PLEC: variants seen among roughly 807,000 people sequenced by gnomAD.
The protein encoded by PLEC is hemidesmosomal protein 1.
Under a neutral mutation model 392.8 loss-of-function variants are expected in PLEC, and 216 were observed. That is an observed-to-expected ratio of 0.55 (90% CI 0.49 to 0.62). The LOEUF is 0.62. Ranked by LOEUF, PLEC falls within the 20% of genes least tolerant of loss-of-function variation. The pLI is 0.00. For synonymous variants in PLEC, 3,621 were observed against 2,980.6 expected (o/e 1.21, Z -7.00); for missense variants, 6,863 against 6,563.4 (o/e 1.05, Z -1.58).
chr8:143,949,569 ACAC>A (rs1554734295), intron 1 of PLEC, among the ~76,000 whole-genome samples: 1 of 152,086 alleles, frequency 6.6e-6, no homozygotes, highest in Non-Finnish European at 1.5e-5. Flanking sequence ...GGGCCAGCAG[ACAC>A]CACACCACAG....
At position 143,932,796 on chromosome 8, in the gene PLEC, G is replaced by A. The variant is rs782141897; in HGVS notation, c.1734C>T (p.Asp578=). ...FRAKIERARS[D]EGQLSPATRG... is the part of the protein sequence containing the mutation. ...CCCATCGCTCAGCGCCACCCACCTC[G>A]TCACTCCGTGCCCGCTCGATCTTGG... Residue 578 remains aspartate, a synonymous_variant, in exon 14 of 32, where the codon GAC becomes GAT. Coordinates refer to ENST00000345136, the MANE Select transcript of PLEC (RefSeq NM_201384.3). 52 of 1,612,184 alleles carry A rather than the reference G, an allele frequency of 3.2e-5. No individual in the cohort carries two copies. Among genetic ancestry groups the A allele is most frequent in the African/African-American group, 5.3e-5 (4 of 75,016 alleles).
At position 143,919,347 on chromosome 8, in the gene PLEC, C is replaced by A. The variant is rs544332992; in HGVS notation, c.10474G>T (p.Gly3492Cys). Reference sequence around the variant, plus strand: ...CGGTTCATCTCCTCACTGAAGTAGCCGCGCTGGTAGGCCACGTCCACAGGC... The same window carrying A: ...CGGTTCATCTCCTCACTGAAGTAGCAGCGCTGGTAGGCCACGTCCACAGGC... ...RVPVDVAYQR[G>C]YFSEEMNRVL... Residue 3492 changes from glycine to cysteine, a missense_variant, in exon 32 of 32, where the codon GGC becomes TGC. Gly to Cys is a radical substitution (Grantham distance 159, BLOSUM62 -3). Transcript: ENST00000345136. The A allele has an allele frequency of 3.7e-6, 6 of 1,613,904 alleles. No individual in the cohort carries two copies. The highest frequency in any genetic ancestry group is 3.4e-6 in the Non-Finnish European group (4 of 1,180,024).
rs201417343 is a variant in PLEC at position 143,922,808 on chromosome 8, C to T, written c.7121G>A (p.Arg2374Gln). 1,568 of 1,585,994 alleles carry T rather than the reference C, an allele frequency of 9.9e-4. 1 individual carries two copies. The highest frequency in any genetic ancestry group is 1.2e-3 in the Non-Finnish European group (1,433 of 1,169,258). The change falls in exon 31 of 32, where the codon CGG becomes CAG. Residue 2374 changes from arginine (R) to glutamine (Q), a missense_variant. Arg to Gln is a conservative substitution (Grantham distance 43). Coordinates refer to ENST00000345136, the MANE Select transcript of PLEC (RefSeq NM_201384.3). ...AGCCTCAGCGCTCATCTCCAGCTGC[C>T]GCTGCCGCTCGGCCTCCAGCGTCCG... ...FQRTLEAERQ[R>Q]QLEMSAEAER...
rs372942259 is a variant in PLEC at position 143,929,821 on chromosome 8, G to C, written c.2748C>G (p.Thr916=). The stretch of plus-strand genomic sequence containing the variant: ...CTTGGCGCTGCTCCTCTGGCTTCAG[G>C]GTGCGGAACTGGGGGAAGCACGTGG... The part of the protein sequence containing the change: ...IRSWSLATFR[T]LKPEEQRQAL... Residue 916 remains threonine, a synonymous_variant, in exon 23 of 32, where the codon ACC becomes ACG. Transcript: ENST00000345136. 8 of 1,598,902 alleles carry C rather than the reference G, an allele frequency of 5.0e-6. No homozygotes were observed. The highest frequency in any genetic ancestry group is 4.0e-5 in the African/African-American group (3 of 74,822).
At chr8:143,972,242 C>A in intron 1 of PLEC, among the ~76,000 whole-genome samples, 1 of 152,256 alleles carries the variant, frequency 6.6e-6, no homozygotes, top group South Asian at 2.1e-4. Context: ...CGGGTGCTCC[C>A]TCTAAGGCAG....
intron 1 of PLEC, chr8:143,944,600 C>CA (rs782502581): frequency 1.7e-6 from 2 of 1,196,962 alleles, no homozygotes; most frequent in South Asian, 4.4e-5. Flanking sequence ...CCCCTGTCCC[C>CA]AGCAAGGGGC....
Position 143,931,525 on chromosome 8 carries a change from C to G in PLEC, c.2304+9G>C. 9 of 1,582,864 alleles carry G rather than the reference C, an allele frequency of 5.7e-6. No homozygotes were observed. Among genetic ancestry groups the G allele is most frequent in the Non-Finnish European group, 7.7e-6 (9 of 1,164,752 alleles). ...CTCCTGACACGCCCCTGCACACCCC[C>G]TCCCTCACCTGGGCATCCTGCAGCA... On this transcript the variant is annotated intron_variant, in intron 19 of 31. Transcript: ENST00000345136.
intron 1 of PLEC, among the ~76,000 whole-genome samples, chr8:143,948,234 CAGCCCATCCAACA>C (rs1360779822): frequency 6.6e-6 from 1 of 152,264 alleles, no homozygotes; most frequent in Non-Finnish European, 1.5e-5. Flanking sequence ...TGGAGAGGGG[CAGCCCATCCAACA>C]GGGCCATCCT....
intron 22 of PLEC, 28 bp downstream of exon 22, chr8:143,929,908 A>G: frequency 1.9e-6 from 3 of 1,606,314 alleles, no homozygotes; most frequent in Non-Finnish European, 2.5e-6. Flanking sequence ...TCCCACCCAG[A>G]GAGCCCCCGG....
At chr8:143,966,467 C>T (rs1340501672) in intron 1 of PLEC, among the ~76,000 whole-genome samples, 1 of 152,244 alleles carries the variant, frequency 6.6e-6, no homozygotes, top group Admixed American at 6.5e-5. Context: ...CTGCCGCAGG[C>T]ACATCCTCTC....
chr8:143,958,586 G>A (rs1554739893), upstream of PLEC: 6 of 418,730 alleles, frequency 1.4e-5, no homozygotes, highest in Non-Finnish European at 3.0e-5. The surrounding 1 kb of genome is among the most constrained non-coding windows in gnomAD (Gnocchi z 4.9). Context: ...CTCCCTCGTT[G>A]CCCCTCACCT....
chr8:143,934,919 A>T lies in PLEC; in HGVS notation c.836T>A (p.Leu279Gln). ...QDGVRANELQ[L>Q]RWQEYRELVL... Reference sequence around the variant, plus strand: ...CAGCTCCCGGTACTCCTGCCAGCGCAGCTGCAGCTCCTGCGGGCAGGCACG... The same window carrying T: ...CAGCTCCCGGTACTCCTGCCAGCGCTGCTGCAGCTCCTGCGGGCAGGCACG... Residue 279 changes from leucine (L) to glutamine (Q), a missense_variant, in exon 9 of 32, where the codon CTG becomes CAG. Leu to Gln is a moderately radical substitution (Grantham distance 113, BLOSUM62 -2). Coordinates refer to ENST00000345136, the MANE Select transcript of PLEC (RefSeq NM_201384.3). The T allele has an allele frequency of 6.2e-7, 1 of 1,611,320 alleles. No homozygotes were observed. The highest frequency in any genetic ancestry group is 8.5e-7 in the Non-Finnish European group (1 of 1,179,734).
Position 143,928,975 on chromosome 8 carries a change from C to T in PLEC, c.3260+128G>A, listed in dbSNP as rs1258243175. ...CGGCCACCACCCCAGCTGGGCCTCCCGCCTCCTGGCCAGATCTCTGAACAG... is the reference window on the plus strand; with the variant it reads ...CGGCCACCACCCCAGCTGGGCCTCCTGCCTCCTGGCCAGATCTCTGAACAG... On this transcript the variant is annotated intron_variant, in intron 25 of 31. Transcript: ENST00000345136. The T allele has an allele frequency of 5.8e-6, 5 of 860,254 alleles. No homozygotes were observed. The African/African-American group carries it at 6.7e-5, about 11-fold the overall frequency. The allele number at this position is 860,254 out of a possible 1,614,324, so 53.3% of individuals were successfully genotyped here.
rs1554668205 is a variant in PLEC, at chr8:143,916,199, C to G, written c.13622G>C (p.Gly4541Ala). ...YASGSSASLG[G>A]PESAVA Reference sequence around the variant, plus strand: ...GCCTCAGGCCACGGCAGACTCAGGGCCCCCCAGGGAGGCCGAGGACCCCGA... The same window carrying G: ...GCCTCAGGCCACGGCAGACTCAGGGGCCCCCAGGGAGGCCGAGGACCCCGA... Residue 4541 changes from glycine to alanine, a missense_variant, in exon 32 of 32, where the codon GGC (glycine) becomes GCC (alanine). Coordinates refer to ENST00000345136, the MANE Select transcript of PLEC (RefSeq NM_201384.3). 4 of 1,542,048 alleles carry G rather than the reference C, an allele frequency of 2.6e-6. No homozygotes were observed. In the Admixed American group the frequency reaches 5.9e-5, roughly 23 times the overall value.
rs548575504 is a variant in PLEC, at chr8:143,933,374, C to T, written c.1264-23G>A. 6.4e-5 allele frequency: 102 copies of T among 1,605,770 alleles called. No individual in the cohort carries two copies. The South Asian group carries it at 9.0e-4, about 14-fold the overall frequency. ...ATCCTGCAAGGTCGTTGCCATGACT[C>T]GGAGCACAGCTGATCCCCCTCTGAC... On this transcript the variant is annotated intron_variant, in intron 12 of 31. Coordinates refer to ENST00000345136, the MANE Select transcript of PLEC (RefSeq NM_201384.3).
At chr8:143,939,277 C>T (rs1458671158) in intron 1 of PLEC, 73 bp downstream of exon 1, 2 of 1,547,748 alleles carry the variant, frequency 1.3e-6, no homozygotes, top group Non-Finnish European at 1.8e-6. Context: ...GGCTTTCCTG[C>T]CACAGGAAGT....
upstream of PLEC, among the ~76,000 whole-genome samples, chr8:143,952,877 C>T (rs1471635559): frequency 3.9e-5 from 6 of 152,160 alleles, no homozygotes; most frequent in Non-Finnish European, 5.9e-5. Context: ...AGTCCCCTCC[C>T]TCCCACCAGC....
chr8:143,945,709 C>T (rs1831364473), intron 1 of PLEC, among the ~76,000 whole-genome samples: 1 of 152,204 alleles, frequency 6.6e-6, no homozygotes, highest in South Asian at 2.1e-4. Context: ...AGTGTAGTTA[C>T]CTCAGCCCAC....
intron 1 of PLEC, among the ~76,000 whole-genome samples, chr8:143,959,324 T>C (rs1347773727): frequency 1.3e-5 from 2 of 152,204 alleles, no homozygotes; most frequent in South Asian, 4.1e-4. Flanking sequence ...AGGCCAGTAA[T>C]AACAAGTTAG....
Sources: gnomAD v4.1 joint callset for allele counts (sites outside exome capture counted in the v4.1 genomes callset) on GRCh38, gnomAD v4.1.1 for gene constraint, Gnocchi (gnomAD v3.1) non-coding constraint, MANE v1.5 for transcripts, NCBI Gene and HGNC (gene_info 2026-07-23, HGNC 2026-07-21) for gene names.